The following UBAP2 variants were observed in gnomAD, a reference collection of about 807,000 sequenced individuals.
UBAP2 encodes ubiquitin-associated protein 2.
Under a neutral mutation model 139.6 loss-of-function variants are expected in UBAP2, and 75 were observed. The ratio of observed to expected loss-of-function variants is 0.54; its 90% CI spans 0.45 to 0.65. The LOEUF is 0.65. Among genes scored for constraint, UBAP2 ranks in the 30% least tolerant of loss-of-function variants. The probability of loss-of-function intolerance (pLI) is 0.00; values close to 1 mark genes in which losing one functional copy is unlikely to be tolerated. For synonymous variants in UBAP2, 526 were observed against 526.2 expected, an observed-to-expected ratio of 1.00 and a Z score of 0.01; for missense variants, 1,368 against 1,369.6, an observed-to-expected ratio of 1.00 and a Z score of 0.02.
At chr9:33,937,579 G>A (rs962819588) in intron 16 of UBAP2, among the ~76,000 whole-genome samples, 10 of 131,132 alleles carry the variant, frequency 7.6e-5, no homozygotes, top group African/African-American at 2.4e-4. Context: ...TGCACTGGGC[G>A]ATAGAGCCAG....
intron 12 of UBAP2, 60 bp downstream of exon 12, chr9:33,953,225 G>C (rs929372027): frequency 2.1e-6 from 3 of 1,436,716 alleles, no homozygotes; most frequent in South Asian, 2.6e-5. Flanking sequence ...TCATATTCTA[G>C]AATACATTTG....
intron 2 of UBAP2, among the ~76,000 whole-genome samples, chr9:34,008,679 A>C (rs956326156): frequency 2.6e-5 from 4 of 151,872 alleles, no homozygotes. Flanking sequence ...CTTTATGTAA[A>C]AAGCTGACCA....
chr9:33,970,253 T>C (rs1490126707), intron 8 of UBAP2, among the ~76,000 whole-genome samples: 1 of 152,042 alleles, frequency 6.6e-6, no homozygotes, highest in Non-Finnish European at 1.5e-5. Flanking sequence ...TTATTCACGT[T>C]CTCACCTTCC....
At chr9:33,941,078 T>G (rs1825157788) in intron 16 of UBAP2, among the ~76,000 whole-genome samples, 1 of 152,226 alleles carries the variant, frequency 6.6e-6, no homozygotes, top group African/African-American at 2.4e-5. Flanking sequence ...TTAAGTTTCT[T>G]TCTAAGATTC....
At chr9:33,990,122 TA>T (rs1364978050) in intron 4 of UBAP2, among the ~76,000 whole-genome samples, 1 of 152,040 alleles carries the variant, frequency 6.6e-6, no homozygotes, top group East Asian at 1.9e-4. Context: ...TAAGTGGATA[TA>T]AAAATTATCA....
intron 2 of UBAP2, among the ~76,000 whole-genome samples, chr9:34,007,386 C>T (rs1823311276): frequency 6.6e-6 from 1 of 151,788 alleles, no homozygotes; most frequent in South Asian, 2.1e-4. Flanking sequence ...GTCCCAGCTA[C>T]CCGAGAGGCT....
intron 1 of UBAP2, among the ~76,000 whole-genome samples, chr9:34,026,369 A>G (rs1264750071): frequency 4.0e-5 from 6 of 150,470 alleles, no homozygotes; most frequent in African/African-American, 1.2e-4. Context: ...CAGAAAAACT[A>G]ATGTTTTTTT....
intron 6 of UBAP2, among the ~76,000 whole-genome samples, chr9:33,973,935 G>C (rs1488328731): frequency 1.3e-5 from 2 of 152,184 alleles, no homozygotes; most frequent in East Asian, 3.8e-4. Flanking sequence ...GGACAGGCAT[G>C]GTGGCTCACA....
upstream of UBAP2, chr9:34,049,002 T>C (rs1038461070): frequency 2.0e-5 from 3 of 152,268 alleles, no homozygotes; most frequent in Non-Finnish European, 4.4e-5. Flanking sequence ...AGAGTCAGCC[T>C]AGGCGGCGCG....
At chr9:33,936,736 T>C (rs72727340) in intron 16 of UBAP2, among the ~76,000 whole-genome samples, 11,990 of 152,036 alleles carry the variant, frequency 0.079, 680 homozygotes, top group Non-Finnish European at 0.12. Context: ...AAGAAATACA[T>C]TGAAGTTTTA....
intron 1 of UBAP2, among the ~76,000 whole-genome samples, chr9:34,030,229 G>C (rs7861778): frequency 6.6e-6 from 1 of 150,380 alleles, no homozygotes; most frequent in Non-Finnish European, 1.5e-5. Flanking sequence ...GCAGATCACG[G>C]GGTCAGGAGA....
At chr9:33,923,341 C>T (rs1331290654) in intron 25 of UBAP2, 38 bp downstream of exon 25, 1 of 1,614,082 alleles carries the variant, frequency 6.2e-7, no homozygotes. Context: ...GCAAGCCTGT[C>T]TAACCCCATG....
intron 6 of UBAP2, among the ~76,000 whole-genome samples, chr9:33,980,910 G>A (rs1035201655): frequency 1.3e-5 from 2 of 150,658 alleles, no homozygotes; most frequent in Non-Finnish European, 3.0e-5. Context: ...TCACACCACT[G>A]CACACCAGCC....
chr9:34,023,850 C>A lies in UBAP2; in HGVS notation c.-41-6661G>T, dbSNP rs908765743. On this transcript the variant is annotated intron_variant, in intron 1 of 28. Transcript: ENST00000379238. ...ACGAGGTCAGGAGATCGAGGCCATC[C>A]TGGCTAATAAGGTGAAACCCCATCT... 4.0e-5 allele frequency among the ~76,000 whole-genome samples: 6 copies of A among 151,850 alleles called. No homozygotes were observed. In the East Asian group the frequency reaches 1.2e-3, roughly 30 times the overall value.
chr9:34,002,439 G>A (rs1399367932), intron 2 of UBAP2, among the ~76,000 whole-genome samples: 3 of 146,440 alleles, frequency 2.0e-5, no homozygotes, highest in Admixed American at 1.4e-4. Context: ...AGTGCATGGC[G>A]CGATATCGGC....
At position 33,974,776 on chromosome 9, in the gene UBAP2, A is replaced by AC. The variant is rs1828169905; in HGVS notation, c.521-1540dup. Among the ~76,000 whole-genome samples the AC allele has an allele frequency of 2.0e-5, 3 of 151,848 alleles. 1 individual carries two copies. In the South Asian group the frequency reaches 6.2e-4, roughly 32 times the overall value. ...AAACCAACCTGGCCAACGTGGCAAA[A>AC]CCCCATCTCTAATAAAAATACAAAA... On this transcript the variant is annotated intron_variant, in intron 6 of 28. Transcript: ENST00000379238.
chr9:34,006,350 AC>A (rs1302089515), intron 2 of UBAP2, among the ~76,000 whole-genome samples: 1 of 152,062 alleles, frequency 6.6e-6, no homozygotes, highest in African/African-American at 2.4e-5. Flanking sequence ...ATATCAACAA[AC>A]TTGTCAAGAG....
intron 2 of UBAP2, among the ~76,000 whole-genome samples, chr9:34,005,694 G>C (rs569834387): frequency 3.7e-4 from 57 of 152,112 alleles, no homozygotes; most frequent in Middle Eastern, 6.8e-3. Context: ...ATAGGAATGG[G>C]AGAAAAGAAA....
At chr9:33,953,093 C>T (rs1321517896) in intron 12 of UBAP2, among the ~76,000 whole-genome samples, 192 bp downstream of exon 12, 2 of 152,210 alleles carry the variant, frequency 1.3e-5, no homozygotes, top group Admixed American at 6.5e-5. Flanking sequence ...TGGTTTCAAA[C>T]TCCTGGGTTC....
Sources: allele counts gnomAD v4.1 joint callset (sites outside exome capture counted in the v4.1 genomes callset), GRCh38; gene constraint gnomAD v4.1.1; transcripts MANE v1.5; gene names NCBI Gene and HGNC (gene_info 2026-07-23, HGNC 2026-07-21).